Variants in SLK observed in about 807,000 individuals in gnomAD.
SLK encodes the protein STE20 like kinase.
Under a neutral mutation model 147.7 loss-of-function variants are expected in SLK, and 67 were observed. The ratio of observed to expected loss-of-function variants is 0.45; its 90% CI spans 0.37 to 0.56. The LOEUF is 0.56. Ranked by LOEUF, SLK falls within the 20% of genes least tolerant of loss-of-function variation. SLK has a pLI of 0.00. For missense variants in SLK, 1,136 were observed against 1,438.8 expected (o/e 0.79, Z 3.41); for synonymous variants, 441 against 475.0 (o/e 0.93, Z 0.93).
intron 1 of SLK, among the ~76,000 whole-genome samples, chr10:103,983,289 G>A (rs1232452592): frequency 6.6e-6 from 1 of 152,164 alleles, no homozygotes; most frequent in Non-Finnish European, 1.5e-5. Context: ...ATAACAGTAT[G>A]AACAGTCTAA....
Position 104,025,823 on chromosome 10 carries a change from C to A in SLK, c.*103C>A. On this transcript the variant is annotated 3_prime_UTR_variant, in exon 19 of 19. Coordinates refer to ENST00000369755, the MANE Select transcript of SLK (RefSeq NM_014720.4). ...GATAGCTCATGAAGACAATCACCTG[C>A]CTCACCTTCTAGGTGTTTTCCTTTT... 2 of 983,866 alleles carry A rather than the reference C, an allele frequency of 2.0e-6. No individual in the cohort carries two copies. The highest frequency in any genetic ancestry group is 3.0e-6 in the Non-Finnish European group (2 of 668,794). The allele number at this position is 983,866 out of a possible 1,614,324, so 60.9% of individuals were successfully genotyped here. A position where few individuals can be genotyped will look rare whatever the true frequency, so the allele number is the denominator to read the frequency against.
chr10:104,015,319 A>G (rs1844448465), intron 13 of SLK, among the ~76,000 whole-genome samples: 2 of 152,214 alleles, frequency 1.3e-5, no homozygotes, highest in South Asian at 4.1e-4. Flanking sequence ...CTGGAGCCAC[A>G]CAGTGCTAGT....
chr10:103,980,093 T>C (rs942022116), intron 1 of SLK, among the ~76,000 whole-genome samples: 1 of 152,208 alleles, frequency 6.6e-6, no homozygotes, highest in South Asian at 2.1e-4. Flanking sequence ...CCCAGCACCA[T>C]GTACTTTAAA....
chr10:103,984,069 A>C (rs984130906), intron 1 of SLK, among the ~76,000 whole-genome samples: 22 of 152,114 alleles, frequency 1.4e-4, no homozygotes, highest in Admixed American at 5.2e-4. Flanking sequence ...GTTTTTATTA[A>C]ATTTCTCTAT....
intron 4 of SLK, 39 bp from the exon 5 acceptor site, chr10:103,998,860 T>C (rs1589535779): frequency 1.4e-6 from 2 of 1,480,904 alleles, no homozygotes; most frequent in Non-Finnish European, 1.9e-6. Flanking sequence ...GAACAATGCT[T>C]AAAAGTTCTC....
Position 103,990,704 on chromosome 10 carries a change from T to C in SLK, c.180T>C (p.Ala60=), listed in dbSNP as rs1286000311. ...AGAATAAAGAGACCAGTGTTTTAGC[T>C]GCTGCAAAAGTGATTGACACTAAAT... ...KAQNKETSVL[A]AAKVIDTKSE... is the part of the protein sequence containing the mutation. Residue 60 remains alanine, a synonymous_variant, in exon 2 of 19, where the codon GCT becomes GCC. Coordinates refer to ENST00000369755, the MANE Select transcript of SLK (RefSeq NM_014720.4). 4 of 1,568,980 alleles carry C rather than the reference T, an allele frequency of 2.5e-6. No homozygotes were observed.
chr10:104,018,962 CTATT>C lies in SLK; in HGVS notation c.3132+57_3132+60del, dbSNP rs1408396023. ...TTTGTTCGTTTTAAAGTTTGCAAAG[CTATT>C]TAGTTTTGAAACTTAAGTTTCTTAG... On this transcript the variant is annotated intron_variant, in intron 15 of 18. Coordinates refer to ENST00000369755, the MANE Select transcript of SLK (RefSeq NM_014720.4). The C allele has an allele frequency of 3.3e-6, 5 of 1,494,638 alleles. No homozygotes were observed. In the South Asian group the frequency reaches 6.7e-5, roughly 20 times the overall value. The allele number at this position is 1,494,638 out of a possible 1,614,324, so 92.6% of individuals were successfully genotyped here.
At chr10:103,993,245 C>A in intron 4 of SLK, 112 bp downstream of exon 4, 1 of 679,068 alleles carries the variant, frequency 1.5e-6, no homozygotes, top group Non-Finnish European at 2.3e-6. Context: ...ACATGGAGAA[C>A]TAACTCCATG....
rs1409356550 is a variant in SLK at position 103,999,884 on chromosome 10, A to G, written c.800A>G (p.Asp267Gly). The G allele has an allele frequency of 1.3e-6, 2 of 1,508,764 alleles. No individual in the cohort carries two copies. Among genetic ancestry groups the G allele is most frequent in the Non-Finnish European group, 1.8e-6 (2 of 1,094,692 alleles). 93.5% of individuals were successfully genotyped at this position (1,508,764 alleles called of 1,614,324 possible). A position where few individuals can be genotyped will look rare whatever the true frequency, so the allele number is the denominator to read the frequency against. The change falls in exon 7 of 19, where the codon GAC becomes GGC. Residue 267 changes from aspartate to glycine, a missense_variant. Transcript: ENST00000369755. ...TTTTAAAGGTCTTCAAATTTTAAGGACTTTCTAAAGAAATGCTTAGAAAAG... is the reference window on the plus strand; with the variant it reads ...TTTTAAAGGTCTTCAAATTTTAAGGGCTTTCTAAAGAAATGCTTAGAAAAG... Reference protein sequence around the residue: ...QPSRWSSNFKDFLKKCLEKNV... With the variant: ...QPSRWSSNFKGFLKKCLEKNV...
intron 13 of SLK, among the ~76,000 whole-genome samples, chr10:104,013,881 C>T (rs2134519451): frequency 6.6e-6 from 1 of 152,292 alleles, no homozygotes; most frequent in Admixed American, 6.5e-5. Context: ...AGAGTTTTCA[C>T]ATTTGGTTCT....
intron 13 of SLK, among the ~76,000 whole-genome samples, chr10:104,016,236 A>G (rs534715690): frequency 2.0e-3 from 311 of 151,970 alleles, no homozygotes; most frequent in Middle Eastern, 3.4e-3. Flanking sequence ...GGAGAATGGC[A>G]TGAACCCGGG....
chr10:103,987,062 G>A (rs1224922348), intron 1 of SLK, among the ~76,000 whole-genome samples: 2 of 152,132 alleles, frequency 1.3e-5, no homozygotes, highest in Non-Finnish European at 2.9e-5. Flanking sequence ...TTAGTGTAGA[G>A]AATAGTGTCA....
intron 1 of SLK, among the ~76,000 whole-genome samples, chr10:103,972,903 TTG>T (rs763007696): frequency 7.9e-5 from 12 of 152,164 alleles, no homozygotes; most frequent in Non-Finnish European, 1.6e-4. Context: ...TGTATGTTGA[TTG>T]TGTGTGTGTA....
chr10:103,983,303 T>C (rs1354862138), intron 1 of SLK, among the ~76,000 whole-genome samples: 1 of 152,214 alleles, frequency 6.6e-6, no homozygotes, highest in Non-Finnish European at 1.5e-5. Flanking sequence ...AGTCTAAAAG[T>C]ATATGCTTCC....
rs1844630600 is a variant in SLK at position 104,028,824 on chromosome 10, A to C, written c.*3104A>C. 1.3e-5 allele frequency: 2 copies of C among 152,260 alleles called. No individual in the cohort carries two copies. Among genetic ancestry groups the C allele is most frequent in the African/African-American group, 4.8e-5 (2 of 41,478 alleles). 9.4% of individuals were successfully genotyped at this position (152,260 alleles called of 1,614,324 possible). A position where few individuals can be genotyped will look rare whatever the true frequency, so the allele number is the denominator to read the frequency against. On this transcript the variant is annotated 3_prime_UTR_variant, in exon 19 of 19. Transcript: ENST00000369755. ...GTATTAACTAGAGATATTGTTGATT[A>C]AAGAAAATCTAGAACTGAAGTGAAA...
At chr10:103,994,530 A>T (rs539105378) in intron 4 of SLK, among the ~76,000 whole-genome samples, 3 of 152,218 alleles carry the variant, frequency 2.0e-5, no homozygotes, top group South Asian at 4.1e-4. Context: ...GGCATGTGTA[A>T]TGGGGGATGA....
chr10:103,967,991 T>C (rs1024936827), intron 1 of SLK, 96 bp downstream of exon 1: 15 of 1,288,796 alleles, frequency 1.2e-5, no homozygotes, highest in Admixed American at 2.1e-5. Flanking sequence ...CCTTATCCTG[T>C]CCTTCTTTTG....
chr10:104,005,500 A>G (rs1330466303), intron 9 of SLK, 61 bp from the exon 10 acceptor site: 6 of 1,465,130 alleles, frequency 4.1e-6, no homozygotes, highest in Non-Finnish European at 5.5e-6. Context: ...AGGAAGAAGA[A>G]AATGTTTTCT....
At position 104,003,242 on chromosome 10, in the gene SLK, G is replaced by A; in HGVS notation, c.2064G>A (p.Val688=). The stretch of plus-strand genomic sequence containing the variant: ...ATAAAGAGAAAAAAGAAATTCCAGT[G>A]TCAATTAAAAAAGAGCCTGAAGTTA... ...QIDKEKKEIP[V]SIKKEPEVTV... The change falls in exon 9 of 19, where the codon GTG becomes GTA. Residue 688 remains valine (V), a synonymous_variant. Coordinates refer to ENST00000369755, the MANE Select transcript of SLK (RefSeq NM_014720.4). 3 of 1,612,446 alleles carry A rather than the reference G, an allele frequency of 1.9e-6. No homozygotes were observed. Among genetic ancestry groups the A allele is most frequent in the Non-Finnish European group, 2.5e-6 (3 of 1,179,592 alleles).
Sources: allele counts gnomAD v4.1 joint callset (sites outside exome capture counted in the v4.1 genomes callset), GRCh38; gene constraint gnomAD v4.1.1; transcripts MANE v1.5; gene names NCBI Gene and HGNC (gene_info 2026-07-23, HGNC 2026-07-21).